TMC5: variants seen among roughly 807,000 people sequenced by gnomAD.
The protein encoded by TMC5 is transmembrane channel like 5.
TMC5 carries 86 observed loss-of-function variants against 110.5 expected under a neutral mutation model. That is an observed-to-expected ratio of 0.78 (90% CI 0.65 to 0.93). The LOEUF (loss-of-function observed/expected upper bound fraction) is 0.93, where lower values mean the gene tolerates loss of function less well. Among genes scored for constraint, TMC5 ranks in the 40% least tolerant of loss-of-function variants. The pLI is 0.00. For synonymous variants in TMC5, 455 were observed against 439.5 expected, an observed-to-expected ratio of 1.04 and a Z score of -0.44; for missense variants, 1,144 against 1,222.8, an observed-to-expected ratio of 0.94 and a Z score of 0.96.
Position 19,466,135 on chromosome 16 carries a change from C to A in TMC5, c.1539C>A (p.Ile513=). The A allele has an allele frequency of 1.2e-6, 2 of 1,614,162 alleles. No individual in the cohort carries two copies. Among genetic ancestry groups the A allele is most frequent in the Admixed American group, 1.7e-5 (1 of 60,020 alleles). ...ATGGCTTTTACACCAATTCCACCAT[C>A]CAGCACGGGAACAGCGGGGCATCCT... The part of the protein sequence containing the change: ...MYYGFYTNST[I]QHGNSGASYN... The change falls in exon 9 of 22, where the codon ATC becomes ATA. Residue 513 remains isoleucine (I), a synonymous_variant. Transcript: ENST00000542583.
intron 6 of TMC5, among the ~76,000 whole-genome samples, chr16:19,460,574 T>C (rs991491309): frequency 2.5e-4 from 38 of 151,956 alleles, no homozygotes; most frequent in African/African-American, 8.9e-4. Flanking sequence ...GAGTAGGGCG[T>C]GGAAGGAAGA....
At chr16:19,464,661 G>A (rs1968112458) in intron 8 of TMC5, among the ~76,000 whole-genome samples, 1 of 151,882 alleles carries the variant, frequency 6.6e-6, no homozygotes, top group Admixed American at 6.6e-5. Flanking sequence ...TTAGCAATAT[G>A]TGGTGGGCAT....
At chr16:19,475,920 A>G (rs1968478581) in intron 12 of TMC5, among the ~76,000 whole-genome samples, 2 of 141,368 alleles carry the variant, frequency 1.4e-5, no homozygotes. Context: ...GTATTTATTT[A>G]TTATCTTCCT....
At chr16:19,444,762 G>A (rs767471836) in intron 4 of TMC5, among the ~76,000 whole-genome samples, 2 of 152,194 alleles carry the variant, frequency 1.3e-5, no homozygotes, top group Non-Finnish European at 2.9e-5. Context: ...ACCTACTGGG[G>A]GAAAAGGGAG....
Position 19,486,951 on chromosome 16 carries a change from C to T in TMC5, c.2370C>T (p.Gly790=). The T allele has an allele frequency of 2.5e-6, 4 of 1,614,066 alleles. No homozygotes were observed. Among genetic ancestry groups the T allele is most frequent in the Non-Finnish European group, 3.4e-6 (4 of 1,179,986 alleles). ...LIYAQTLVWI[G]IFFCPLLPFI... ...CACCCTCTCTCCCTCACAGGATTGG[C>T]ATCTTCTTCTGCCCCCTGCTGCCCT... Residue 790 remains glycine, a synonymous_variant, in exon 16 of 22, where the codon GGC becomes GGT. Coordinates refer to ENST00000542583, the MANE Select transcript of TMC5 (RefSeq NM_001261841.2).
intron 1 of TMC5, among the ~76,000 whole-genome samples, chr16:19,419,550 C>T (rs756846959): frequency 6.6e-5 from 10 of 151,492 alleles, no homozygotes; most frequent in Non-Finnish European, 1.2e-4. Flanking sequence ...GTAGCTGGGA[C>T]TACGGGCGCC....
intron 8 of TMC5, among the ~76,000 whole-genome samples, chr16:19,464,572 C>T (rs756214029): frequency 2.0e-5 from 3 of 152,174 alleles, no homozygotes; most frequent in East Asian, 1.9e-4. Flanking sequence ...CTTCTGTGCA[C>T]GTACAGAGGC....
chr16:19,475,558 T>G (rs1473834505), intron 12 of TMC5, among the ~76,000 whole-genome samples: 1 of 152,136 alleles, frequency 6.6e-6, no homozygotes, highest in East Asian at 1.9e-4. Context: ...TCCCCATCCT[T>G]CCTGCTCACT....
At chr16:19,496,527 C>T (rs942811946) in intron 20 of TMC5, among the ~76,000 whole-genome samples, 9 of 152,064 alleles carry the variant, frequency 5.9e-5, no homozygotes, top group African/African-American at 1.9e-4. Flanking sequence ...GTGAGGACCA[C>T]GTCTGTGCAC....
chr16:19,466,368 C>T, intron 9 of TMC5, 135 bp downstream of exon 9: 1 of 976,722 alleles, frequency 1.0e-6, no homozygotes, highest in Non-Finnish European at 1.5e-6. Flanking sequence ...TCTTTTCTTT[C>T]TTAGATAGAG....
chr16:19,492,736 T>C (rs1451464384), intron 19 of TMC5, among the ~76,000 whole-genome samples: 3 of 151,032 alleles, frequency 2.0e-5, no homozygotes, highest in African/African-American at 4.9e-5. Context: ...CCCAGCCTTA[T>C]TTTATTTTTT....
rs1397028569 is a variant in TMC5 at position 19,439,956 on chromosome 16, T to C, written c.-79-4T>C. Reference sequence around the variant, plus strand: ...TGACTTTTTCTTTTCTTCTTGTTTTTCAGGTGAAAAAAAAAAAAGATCCCT... The same window carrying C: ...TGACTTTTTCTTTTCTTCTTGTTTTCCAGGTGAAAAAAAAAAAAGATCCCT... On this transcript the variant is annotated splice_region_variant and splice_polypyrimidine_tract_variant and intron_variant, in intron 2 of 21. Coordinates refer to ENST00000542583, the MANE Select transcript of TMC5 (RefSeq NM_001261841.2). 1.9e-5 allele frequency: 23 copies of C among 1,206,758 alleles called. No homozygotes were observed. The highest frequency in any genetic ancestry group is 2.5e-5 in the Non-Finnish European group (21 of 856,320). The allele number at this position is 1,206,758 out of a possible 1,614,324, so 74.8% of individuals were successfully genotyped here. A position where few individuals can be genotyped will look rare whatever the true frequency, so the allele number is the denominator to read the frequency against.
In TMC5 at chr16:19,429,840, G is replaced by A. The variant is rs74397973; in HGVS notation, c.-307-573G>A. 2.5e-3 allele frequency among the ~76,000 whole-genome samples: 378 copies of A among 152,056 alleles called. 8 individuals carry two copies. The East Asian group carries it at 0.06, about 24-fold the overall frequency. On this transcript the variant is annotated intron_variant, in intron 1 of 21. Coordinates refer to ENST00000542583, the MANE Select transcript of TMC5 (RefSeq NM_001261841.2). ...CCTCCCAAAGTACTGGGATTACGGCGGGAATCACTGTGCCTGGCCCAAAGT... is the reference window on the plus strand; with the variant it reads ...CCTCCCAAAGTACTGGGATTACGGCAGGAATCACTGTGCCTGGCCCAAAGT...
Position 19,474,201 on chromosome 16 carries a change from C to A in TMC5, c.2015C>A (p.Pro672Gln). The A allele has an allele frequency of 6.2e-7, 1 of 1,614,066 alleles. No individual in the cohort carries two copies. The highest frequency in any genetic ancestry group is 8.5e-7 in the Non-Finnish European group (1 of 1,180,014). Residue 672 changes from proline (P) to glutamine (Q), a missense_variant, in exon 12 of 22, where the codon CCA (proline) becomes CAA (glutamine). By Grantham distance (76) the Pro-to-Gln change is moderately conservative. Transcript: ENST00000542583. ...GTGTCCTGCATTAATCTGGCCGTGC[C>A]ATGCATCTACTCCATGTTCAGGCTT... ...FVVSCINLAV[P>Q]CIYSMFRLVE...
chr16:19,459,964 G>A (rs183649557), intron 5 of TMC5, among the ~76,000 whole-genome samples: 17 of 148,432 alleles, frequency 1.1e-4, no homozygotes, highest in South Asian at 2.1e-4. Flanking sequence ...GACCAAACAC[G>A]CAGGATCTTA....
At chr16:19,428,912 G>A (rs1490735884) in intron 1 of TMC5, among the ~76,000 whole-genome samples, 8 of 152,144 alleles carry the variant, frequency 5.3e-5, no homozygotes, top group Non-Finnish European at 1.0e-4. Flanking sequence ...TGCAACCTCC[G>A]CCTTCCAGGT....
At position 19,481,080 on chromosome 16, in the gene TMC5, A is replaced by G. The variant is rs78252869; in HGVS notation, c.2268-290A>G. Among the ~76,000 whole-genome samples the G allele has an allele frequency of 1.6e-3, 244 of 152,250 alleles. 4 individuals are homozygous for G. The East Asian group carries it at 0.033, about 20-fold the overall frequency. On this transcript the variant is annotated intron_variant, in intron 14 of 21. Transcript: ENST00000542583. ...TTAGCAAAGAGGGGTATAAGATAAT[A>G]GTGGGATAATTTAAATGTTCAGGGT...
Position 19,479,502 on chromosome 16 carries a change from T to C in TMC5, c.2241T>C (p.Asn747=), listed in dbSNP as rs1469439202. 3 of 1,613,740 alleles carry C rather than the reference T, an allele frequency of 1.9e-6. No homozygotes were observed. The highest frequency in any genetic ancestry group is 1.7e-5 in the Admixed American group (1 of 59,980). The change falls in exon 14 of 22, where the codon AAT becomes AAC. Residue 747 remains asparagine, a synonymous_variant. Transcript: ENST00000542583. ...LLMDFVFSLV[N]SFLGEFLRRI... ...TGGATTTTGTGTTCTCTTTAGTCAA[T>C]TCCTTCCTGGGGGAGTTTCTGAGGA...
chr16:19,494,497 T>C, intron 20 of TMC5, 131 bp downstream of exon 20: 1 of 616,344 alleles, frequency 1.6e-6, no homozygotes, highest in Non-Finnish European at 2.8e-6. Context: ...TAAGTATTTC[T>C]GTGGTTTTTA....
Sources: gnomAD v4.1 joint callset for allele counts (sites outside exome capture counted in the v4.1 genomes callset) on GRCh38, gnomAD v4.1.1 for gene constraint, MANE v1.5 for transcripts, NCBI Gene and HGNC (gene_info 2026-07-23, HGNC 2026-07-21) for gene names.